Variants in PYROXD2 observed in about 807,000 individuals in gnomAD.
PYROXD2 encodes pyridine nucleotide-disulphide oxidoreductase domain 2, also known as pyridine nucleotide-disulfide oxidoreductase domain-containing protein 2.
In PYROXD2, 69 loss-of-function variants were observed where a neutral mutation model predicts 71.1. That is an observed-to-expected ratio of 0.97 (90% confidence interval 0.80 to 1.19). The LOEUF (loss-of-function observed/expected upper bound fraction) is 1.19, where lower values mean the gene tolerates loss of function less well. Ranked by LOEUF, PYROXD2 falls within the 50% of genes most tolerant of loss-of-function variation. The probability of loss-of-function intolerance (pLI) is 0.00; values close to 1 mark genes in which losing one functional copy is unlikely to be tolerated. For synonymous variants in PYROXD2, 287 were observed against 302.7 expected (o/e 0.95, Z 0.54); for missense variants, 745 against 748.9 (o/e 0.99, Z 0.06).
intron 10 of PYROXD2, 94 bp from the exon 11 acceptor site, chr10:98,391,176 C>T (rs149045518): frequency 1.2e-5 from 10 of 845,586 alleles, no homozygotes; most frequent in African/African-American, 1.0e-4. Context: ...TCAGTCGCTC[C>T]CTCCGGAAAT....
At chr10:98,402,290 A>G (rs1843440269) in intron 4 of PYROXD2, among the ~76,000 whole-genome samples, 1 of 152,248 alleles carries the variant, frequency 6.6e-6, no homozygotes, top group South Asian at 2.1e-4. Flanking sequence ...TCTGGGTTTC[A>G]AAACCACAGC....
At chr10:98,410,103 T>A (rs1331000676) in intron 2 of PYROXD2, among the ~76,000 whole-genome samples, 1 of 122,212 alleles carries the variant, frequency 8.2e-6, no homozygotes, top group Admixed American at 8.3e-5. Flanking sequence ...TAAAATAAAA[T>A]AAAATAAATG....
At chr10:98,394,190 A>G (rs538353729) in intron 8 of PYROXD2, among the ~76,000 whole-genome samples, 2 of 152,314 alleles carry the variant, frequency 1.3e-5, no homozygotes, top group East Asian at 3.9e-4. Context: ...GCAAGCGCTC[A>G]TCCATATTTG....
intron 4 of PYROXD2, among the ~76,000 whole-genome samples, chr10:98,401,458 G>C (rs1250781182): frequency 6.6e-6 from 1 of 151,960 alleles, no homozygotes; most frequent in African/African-American, 2.4e-5. Flanking sequence ...TATAGTACAC[G>C]TAGGCTACAC....
intron 1 of PYROXD2, chr10:98,411,285 G>T (rs1343238370): frequency 1.1e-5 from 4 of 367,132 alleles, no homozygotes; most frequent in Non-Finnish European, 1.5e-5. Flanking sequence ...AAGTGATGGT[G>T]TCTGAGGGAG....
intron 1 of PYROXD2, among the ~76,000 whole-genome samples, chr10:98,412,954 G>A (rs1843838218): frequency 6.6e-6 from 1 of 152,172 alleles, no homozygotes; most frequent in African/African-American, 2.4e-5. Flanking sequence ...TGAGCCGGCT[G>A]TCAAACAGCC....
At chr10:98,397,172 C>T (rs1307900806) in intron 6 of PYROXD2, among the ~76,000 whole-genome samples, 173 bp downstream of exon 6, 3 of 152,232 alleles carry the variant, frequency 2.0e-5, no homozygotes, top group Admixed American at 2.0e-4. Flanking sequence ...GCATATCAGC[C>T]TAAGATGCTC....
At chr10:98,391,921 G>C (rs899692171) in intron 10 of PYROXD2, among the ~76,000 whole-genome samples, 1 of 152,104 alleles carries the variant, frequency 6.6e-6, no homozygotes, top group Non-Finnish European at 1.5e-5. Flanking sequence ...ATCAGCAGCC[G>C]GCAAGCTGAC....
intron 3 of PYROXD2, 63 bp downstream of exon 3, chr10:98,407,841 A>G (rs1173795913): frequency 1.3e-6 from 2 of 1,507,912 alleles, no homozygotes. Flanking sequence ...CGGGGTCAGC[A>G]GGGATGGAGA....
intron 1 of PYROXD2, among the ~76,000 whole-genome samples, chr10:98,413,699 G>A (rs957776164): frequency 2.0e-5 from 3 of 152,044 alleles, no homozygotes; most frequent in Non-Finnish European, 4.4e-5. Flanking sequence ...GGGCAACAGA[G>A]CAAGACTCCA....
At chr10:98,400,286 T>C in intron 4 of PYROXD2, 29 bp from the exon 5 acceptor site, 1 of 1,586,204 alleles carries the variant, frequency 6.3e-7, no homozygotes, top group Admixed American at 1.7e-5. Flanking sequence ...ATGGGCCACA[T>C]ATTAATGGCT....
At chr10:98,409,079 G>C (rs1409839919) in intron 2 of PYROXD2, among the ~76,000 whole-genome samples, 1 of 152,194 alleles carries the variant, frequency 6.6e-6, no homozygotes, top group Non-Finnish European at 1.5e-5. Context: ...CAGTGGCTGA[G>C]GCCTGGCACG....
intron 2 of PYROXD2, among the ~76,000 whole-genome samples, chr10:98,410,450 A>C (rs1358097173): frequency 2.0e-5 from 3 of 152,208 alleles, no homozygotes; most frequent in Non-Finnish European, 4.4e-5. Flanking sequence ...TGAGCTCCTC[A>C]ATGTCTCCAG....
intron 15 of PYROXD2, among the ~76,000 whole-genome samples, chr10:98,384,078 G>A (rs1442301290): frequency 6.6e-6 from 1 of 152,052 alleles, no homozygotes; most frequent in African/African-American, 2.4e-5. Flanking sequence ...GGAGGGGCCA[G>A]GTCCACAGCC....
At chr10:98,400,017 G>C in intron 5 of PYROXD2, 85 bp downstream of exon 5, 1 of 1,512,580 alleles carries the variant, frequency 6.6e-7, no homozygotes. Flanking sequence ...CATGGCCTTT[G>C]AACAATTGTT....
Position 98,415,036 on chromosome 10 carries a change from C to T in PYROXD2, c.100G>A (p.Glu34Lys), listed in dbSNP as rs1370655929. ...NTEARGGLKP[E>K]YDAVVIGAGH... ...GCTCCTATCACCACCGCATCATACT[C>T]AGGCTTCAGACCTCCCCTGGCTTCC... The change falls in exon 1 of 16, where the codon GAG (glutamate) becomes AAG (lysine). Residue 34 changes from glutamate to lysine, a missense_variant. Transcript: ENST00000370575. 9 of 1,613,810 alleles carry T rather than the reference C, an allele frequency of 5.6e-6. No individual in the cohort carries two copies. The highest frequency in any genetic ancestry group is 7.6e-6 in the Non-Finnish European group (9 of 1,179,918).
chr10:98,394,375 C>T (rs1367280535), intron 8 of PYROXD2, among the ~76,000 whole-genome samples: 3 of 152,322 alleles, frequency 2.0e-5, no homozygotes, highest in East Asian at 1.9e-4. Context: ...CCATCTCCAT[C>T]GCCCTGGGGG....
rs1016573805 is a variant in PYROXD2 at position 98,391,788 on chromosome 10, C to A, written c.1062+644G>T. Among the ~76,000 whole-genome samples, 3 of 152,150 alleles carry A rather than the reference C, an allele frequency of 2.0e-5. No homozygotes were observed. In the South Asian group the frequency reaches 6.2e-4, roughly 32 times the overall value. On this transcript the variant is annotated intron_variant, in intron 10 of 15. Transcript: ENST00000370575. ...GACCTTGAGAACATGCCTGGACTAC[C>A]GTGCTGGAGGAGGACAGACACATGG...
In PYROXD2 at chr10:98,407,212, G is replaced by A. The variant is rs550740048; in HGVS notation, c.315+370C>T. On this transcript the variant is annotated intron_variant, in intron 4 of 15. Coordinates refer to ENST00000370575, the MANE Select transcript of PYROXD2 (RefSeq NM_032709.3). ...CCCCACTTCCTGCTCCAGCTGCCAA[G>A]AGAGGGAAGCAGCTCTCAAGTTCAA... Among the ~76,000 whole-genome samples, 11 of 152,300 alleles carry A rather than the reference G, an allele frequency of 7.2e-5. 1 individual carries two copies. In the South Asian group the frequency reaches 2.3e-3, roughly 32 times the overall value.
Sources: allele counts gnomAD v4.1 joint callset (sites outside exome capture counted in the v4.1 genomes callset), GRCh38; gene constraint gnomAD v4.1.1; transcripts MANE v1.5; gene names NCBI Gene and HGNC (gene_info 2026-07-23, HGNC 2026-07-21).